Variants in SOX6 observed in about 807,000 individuals in gnomAD.
The protein encoded by SOX6 is transcription factor SOX-6.
Under a neutral mutation model 97.8 loss-of-function variants are expected in SOX6, and 11 were observed. That is an observed-to-expected ratio of 0.11 (90% confidence interval 0.07 to 0.19). The LOEUF (loss-of-function observed/expected upper bound fraction) is 0.19, where lower values mean the gene tolerates loss of function less well. Among genes scored for constraint, SOX6 ranks in the 10% least tolerant of loss-of-function variants. SOX6 has a pLI of 1.00. For synonymous variants in SOX6, 360 were observed against 371.4 expected (o/e 0.97, Z 0.35); for missense variants, 810 against 1,039.5 (o/e 0.78, Z 3.04).
At chr11:16,514,670 A>G (rs938541234) in intron 4 of SOX6, among the ~76,000 whole-genome samples, 76 of 148,658 alleles carry the variant, frequency 5.1e-4, no homozygotes, top group Non-Finnish European at 7.0e-4. Context: ...AGCATTAGGT[A>G]TATCTCCCAA....
chr11:16,702,621 A>T (rs1848103349), intron 3 of SOX6, among the ~76,000 whole-genome samples: 1 of 152,126 alleles, frequency 6.6e-6, no homozygotes, highest in African/African-American at 2.4e-5. Context: ...AAGTCCAAGG[A>T]CACTGGCTAG....
chr11:16,165,921 G>GCATTT (rs1207767007), intron 6 of SOX6, among the ~76,000 whole-genome samples: 1 of 148,442 alleles, frequency 6.7e-6, no homozygotes, highest in East Asian at 2.0e-4. Flanking sequence ...AATCCTAAAA[G>GCATTT]ACTAAATACA....
chr11:16,596,955 T>C (rs532514683), intron 4 of SOX6, among the ~76,000 whole-genome samples: 1 of 152,166 alleles, frequency 6.6e-6, no homozygotes, highest in Admixed American at 6.5e-5. Context: ...ATACAATAAA[T>C]GAGCACTGAC....
upstream of SOX6, among the ~76,000 whole-genome samples, chr11:16,356,553 T>C (rs1857081697): frequency 6.6e-6 from 1 of 152,048 alleles, no homozygotes; most frequent in Non-Finnish European, 1.5e-5. Flanking sequence ...TTATGAGCCC[T>C]TTGTGAGCAC....
chr11:16,330,270 T>C lies in SOX6; in HGVS notation c.237+10742A>G, dbSNP rs1362415811. Among the ~76,000 whole-genome samples the C allele has an allele frequency of 7.2e-5, 11 of 152,244 alleles. No homozygotes were observed. In the East Asian group the frequency reaches 2.1e-3, roughly 29 times the overall value. On this transcript the variant is annotated intron_variant, in intron 2 of 15. Transcript: ENST00000683767. ...TCAACATTCTATCAAGATTCAACTA[T>C]TGGTCAGGCACAGTGGCTCATGCCT...
At chr11:16,647,051 AT>A (rs1277930698) in intron 3 of SOX6, among the ~76,000 whole-genome samples, 2 of 151,964 alleles carry the variant, frequency 1.3e-5, no homozygotes, top group Non-Finnish European at 2.9e-5. Context: ...AACATTTATT[AT>A]TTTTTTATTT....
chr11:16,507,724 G>A (rs1806251105), intron 4 of SOX6, among the ~76,000 whole-genome samples: 1 of 152,042 alleles, frequency 6.6e-6, no homozygotes, highest in Admixed American at 6.6e-5. Context: ...GCAAAAGAAT[G>A]AAATGAGACT....
chr11:16,477,716 T>C (rs972549237), upstream of SOX6, among the ~76,000 whole-genome samples: 1 of 152,156 alleles, frequency 6.6e-6, no homozygotes, highest in African/African-American at 2.4e-5. Context: ...TTTTTAAAGA[T>C]TGATAGATGA....
chr11:16,646,937 CT>C (rs1399909091), intron 3 of SOX6, among the ~76,000 whole-genome samples: 1 of 152,202 alleles, frequency 6.6e-6, no homozygotes, highest in African/African-American at 2.4e-5. Flanking sequence ...GTAGTTCTAC[CT>C]TTACTTCTTT....
At chr11:16,690,886 T>A (rs1848008021) in intron 3 of SOX6, among the ~76,000 whole-genome samples, 1 of 152,234 alleles carries the variant, frequency 6.6e-6, no homozygotes, top group African/African-American at 2.4e-5. Flanking sequence ...AAGGAAATAC[T>A]TTTTTAAAAA....
chr11:16,339,876 A>C (rs1313673866), intron 2 of SOX6, among the ~76,000 whole-genome samples: 1 of 152,096 alleles, frequency 6.6e-6, no homozygotes, highest in East Asian at 1.9e-4. Context: ...AATCAGAAAA[A>C]CAGACTTGCT....
chr11:16,465,076 G>A (rs538604485), intron 1 of SOX6, among the ~76,000 whole-genome samples: 32 of 152,284 alleles, frequency 2.1e-4, no homozygotes, highest in Middle Eastern at 6.8e-3. Context: ...AGGAGGAACA[G>A]GTATTTCCTC....
At chr11:16,678,951 C>A (rs539145513) in intron 3 of SOX6, among the ~76,000 whole-genome samples, 1 of 152,336 alleles carries the variant, frequency 6.6e-6, no homozygotes, top group East Asian at 1.9e-4. Flanking sequence ...GCTCACAAAG[C>A]AGCCAGGAAG....
chr11:16,178,615 T>C (rs1851260147), intron 6 of SOX6, among the ~76,000 whole-genome samples: 1 of 151,942 alleles, frequency 6.6e-6, no homozygotes, highest in Non-Finnish European at 1.5e-5. Context: ...TACCCCTCAT[T>C]TCTTTGCAAG....
intron 2 of SOX6, among the ~76,000 whole-genome samples, chr11:16,332,342 A>T (rs542633338): frequency 2.0e-5 from 3 of 152,254 alleles, no homozygotes; most frequent in East Asian, 3.9e-4. Context: ...TTATCATATA[A>T]ATATTTGAAT....
chr11:16,082,070 C>T (rs571449016), intron 9 of SOX6, among the ~76,000 whole-genome samples: 1 of 152,250 alleles, frequency 6.6e-6, no homozygotes, highest in South Asian at 2.1e-4. Context: ...GTAATTGTCA[C>T]CCTAAAAACA....
chr11:16,505,516 T>G (rs1467456450), intron 4 of SOX6, among the ~76,000 whole-genome samples: 2 of 152,142 alleles, frequency 1.3e-5, no homozygotes, highest in Non-Finnish European at 2.9e-5. Context: ...ATTTGCAGCC[T>G]GGCCATGTGG....
intron 1 of SOX6, among the ~76,000 whole-genome samples, chr11:16,376,695 G>T (rs964959496): frequency 1.3e-5 from 2 of 152,074 alleles, no homozygotes; most frequent in African/African-American, 4.8e-5. Context: ...ATTCCTCATG[G>T]TCATCACTGA....
intron 2 of SOX6, among the ~76,000 whole-genome samples, chr11:16,331,153 T>G (rs1234004015): frequency 6.6e-6 from 1 of 152,180 alleles, no homozygotes; most frequent in Non-Finnish European, 1.5e-5. Flanking sequence ...AGTTGTTTTC[T>G]TTTCATCCTC....
Sources: gnomAD v4.1 joint callset for allele counts (sites outside exome capture counted in the v4.1 genomes callset) on GRCh38, gnomAD v4.1.1 for gene constraint, MANE v1.5 for transcripts, NCBI Gene and HGNC (gene_info 2026-07-23, HGNC 2026-07-21) for gene names.